Variants in SMC1B observed in about 807,000 individuals in gnomAD.
The protein encoded by SMC1B is structural maintenance of chromosomes protein 1B.
A neutral mutation model predicts 157.9 loss-of-function variants in SMC1B; 60 were observed. That is an observed-to-expected ratio of 0.38 (90% CI 0.31 to 0.47). The LOEUF is 0.47. SMC1B is among the 20% of genes least tolerant of loss of function. The pLI is 0.99. For missense variants in SMC1B, 1,165 were observed against 1,426.2 expected, an observed-to-expected ratio of 0.82 and a Z score of 2.95; for synonymous variants, 445 against 483.0, an observed-to-expected ratio of 0.92 and a Z score of 1.03.
intron 4 of SMC1B, among the ~76,000 whole-genome samples, chr22:45,404,688 AC>A (rs1569199702): frequency 6.6e-6 from 1 of 151,748 alleles, no homozygotes; most frequent in Non-Finnish European, 1.5e-5. Context: ...TCCACCTATA[AC>A]CTGGAAGCCC....
chr22:45,346,744 T>C (rs144208652), intron 23 of SMC1B, among the ~76,000 whole-genome samples: 5 of 152,066 alleles, frequency 3.3e-5, no homozygotes, highest in East Asian at 3.9e-4. Context: ...GAAGGGGAGA[T>C]AGGATGCGAA....
rs374106605 is a variant in SMC1B, at chr22:45,396,437, G to A, written c.1163C>T (p.Thr388Ile). The A allele has an allele frequency of 6.2e-6, 10 of 1,612,886 alleles. No individual in the cohort carries two copies. The highest frequency in any genetic ancestry group is 8.5e-6 in the Non-Finnish European group (10 of 1,179,508). Residue 388 changes from threonine (T) to isoleucine (I), a missense_variant, in exon 7 of 25, where the codon ACA (threonine) becomes ATA (isoleucine). By Grantham distance (89) the Thr-to-Ile change is moderately conservative. Transcript: ENST00000357450. ...LKEQVRKKVA[T>I]MTQQLEKLQW... ...CAGTTTTTCCAGTTGTTGAGTCATTGTAGCTACTTTCTTTCTTACTTGTTC... is the reference window on the plus strand; with the variant it reads ...CAGTTTTTCCAGTTGTTGAGTCATTATAGCTACTTTCTTTCTTACTTGTTC...
intron 1 of SMC1B, 88 bp downstream of exon 1, chr22:45,413,371 G>T (rs1441639032): frequency 9.5e-7 from 1 of 1,054,950 alleles, no homozygotes; most frequent in East Asian, 2.7e-5. Flanking sequence ...GGCGCCCGCG[G>T]CAGACGCCCA....
intron 22 of SMC1B, among the ~76,000 whole-genome samples, chr22:45,350,417 AC>A (rs1477559804): frequency 6.6e-6 from 1 of 152,302 alleles, no homozygotes; most frequent in Non-Finnish European, 1.5e-5. Flanking sequence ...AGCTGGGATT[AC>A]AGGCGTGCGC....
chr22:45,364,537 A>G (rs1220581515), intron 15 of SMC1B, among the ~76,000 whole-genome samples: 1 of 152,206 alleles, frequency 6.6e-6, no homozygotes, highest in Non-Finnish European at 1.5e-5. Context: ...GAGCTAAGCA[A>G]CTTGCCCAAG....
At position 45,389,447 on chromosome 22, in the gene SMC1B, G is replaced by A. The variant is rs141699686; in HGVS notation, c.1731+265C>T. The stretch of plus-strand genomic sequence containing the variant: ...ATATTGCTGGCTAATAGGTAGAGTG[G>A]TGCACTGCTAGTGCAATGAAATCAA... On this transcript the variant is annotated intron_variant, in intron 10 of 24. Transcript: ENST00000357450. Among the ~76,000 whole-genome samples, 3 of 152,290 alleles carry A rather than the reference G, an allele frequency of 2.0e-5. No homozygotes were observed. The East Asian group carries it at 5.8e-4, about 29-fold the overall frequency.
At chr22:45,393,863 T>G (rs136604) in intron 8 of SMC1B, 22 bp from the exon 9 acceptor site, 204,195 of 1,568,164 alleles carry the variant, frequency 0.13, 14,236 homozygotes, top group South Asian at 0.22. Flanking sequence ...CAACAAATTA[T>G]ACAGCAAAAT....
intron 15 of SMC1B, 126 bp from the exon 16 acceptor site, chr22:45,363,152 T>C (rs2086738003): frequency 1.6e-6 from 1 of 619,654 alleles, no homozygotes; most frequent in African/African-American, 1.9e-5. Flanking sequence ...CAAGTAGCTG[T>C]CACCCAACTT....
chr22:45,387,470 A>C (rs2087002152), intron 10 of SMC1B, among the ~76,000 whole-genome samples: 1 of 106,452 alleles, frequency 9.4e-6, no homozygotes, highest in African/African-American at 8.1e-5. Context: ...CAAAACAAAA[A>C]AAAGTATGTT....
At chr22:45,391,168 G>A (rs955417227) in intron 9 of SMC1B, among the ~76,000 whole-genome samples, 14 of 151,598 alleles carry the variant, frequency 9.2e-5, no homozygotes, top group African/African-American at 3.2e-4. Context: ...AACTATAGGC[G>A]CACACCATCA....
Position 45,396,340 on chromosome 22 carries a change from AG to A in SMC1B, c.1254+5del. The A allele has an allele frequency of 6.2e-7, 1 of 1,608,392 alleles. No individual in the cohort carries two copies. Reference sequence around the variant, plus strand: ...TTCTAAATCATTACTGTACAACCCAAGACACCTGAACTTCTCCATGCCTCCT... The same window carrying A: ...TTCTAAATCATTACTGTACAACCCAAACACCTGAACTTCTCCATGCCTCCT... On this transcript the variant is annotated splice_donor_5th_base_variant and intron_variant, in intron 7 of 24. Transcript: ENST00000357450.
In SMC1B at chr22:45,355,225, CCTT is replaced by C. The variant is rs777853383; in HGVS notation, c.2962-113_2962-111del. 1.5e-5 allele frequency: 15 copies of C among 1,022,712 alleles called. No homozygotes were observed. In the East Asian group the frequency reaches 2.2e-4, roughly 15 times the overall value. 63.4% of individuals were successfully genotyped at this position (1,022,712 alleles called of 1,614,324 possible). ...CATCCCAGGTCCCTGTGCATCCACT[CCTT>C]CTCTCCCCAAAGCCCTCTCTGAGCC... On this transcript the variant is annotated intron_variant, in intron 19 of 24. Transcript: ENST00000357450.
At chr22:45,400,859 T>C (rs777575817) in intron 5 of SMC1B, among the ~76,000 whole-genome samples, 38 of 152,238 alleles carry the variant, frequency 2.5e-4, no homozygotes, top group Non-Finnish European at 4.7e-4. Context: ...ATTTTACTTC[T>C]GTGGGCTTCC....
rs531637109 is a variant in SMC1B, at chr22:45,350,599, A to C, written c.3426-802T>G. Among the ~76,000 whole-genome samples, 233 of 151,104 alleles carry C rather than the reference A, an allele frequency of 1.5e-3. 1 individual carries two copies. The highest frequency in any genetic ancestry group is 2.6e-3 in the Non-Finnish European group (176 of 67,640). ...CCCTGTCTCCTGAGTTCTAACCTCAAATGTCCAACTACTTTCTCTACAATT... is the reference window on the plus strand; with the variant it reads ...CCCTGTCTCCTGAGTTCTAACCTCACATGTCCAACTACTTTCTCTACAATT... On this transcript the variant is annotated intron_variant, in intron 22 of 24. Coordinates refer to ENST00000357450, the MANE Select transcript of SMC1B (RefSeq NM_148674.5).
chr22:45,345,600 G>T lies in SMC1B; in HGVS notation c.3496-31C>A, dbSNP rs760243039. 3 of 1,344,622 alleles carry T rather than the reference G, an allele frequency of 2.2e-6. No homozygotes were observed. The South Asian group carries it at 3.5e-5, about 16-fold the overall frequency. 83.3% of individuals were successfully genotyped at this position (1,344,622 alleles called of 1,614,324 possible). On this transcript the variant is annotated intron_variant, in intron 23 of 24. Transcript: ENST00000357450. Reference sequence around the variant, plus strand: ...AGAAATAAAAACACACATTTCACTAGGAAGGAAAGGCCTTGTCTGGGCTCT... The same window carrying T: ...AGAAATAAAAACACACATTTCACTATGAAGGAAAGGCCTTGTCTGGGCTCT...
chr22:45,359,213 T>C (rs997262709), intron 18 of SMC1B, among the ~76,000 whole-genome samples: 4 of 152,226 alleles, frequency 2.6e-5, no homozygotes, highest in East Asian at 3.8e-4. Flanking sequence ...GATTTTGATA[T>C]ACATGGGGGA....
intron 17 of SMC1B, 97 bp downstream of exon 17, chr22:45,361,742 A>G (rs1410392668): frequency 8.6e-7 from 1 of 1,166,326 alleles, no homozygotes; most frequent in Non-Finnish European, 1.2e-6. Context: ...AACAAAGGGC[A>G]CATATTCAAA....
rs1052886802 is a variant in SMC1B at position 45,408,968 on chromosome 22, T to C, written c.110-70A>G. The C allele has an allele frequency of 5.2e-5, 48 of 929,422 alleles. No individual in the cohort carries two copies. In the African/African-American group the frequency reaches 6.5e-4, roughly 13 times the overall value. The allele number at this position is 929,422 out of a possible 1,614,324, so 57.6% of individuals were successfully genotyped here. A position where few individuals can be genotyped will look rare whatever the true frequency, so the allele number is the denominator to read the frequency against. On this transcript the variant is annotated intron_variant, in intron 1 of 24. Coordinates refer to ENST00000357450, the MANE Select transcript of SMC1B (RefSeq NM_148674.5). ...AAAGCCCTACCCAGAGCTGAAGAAA[T>C]CAGGCCACCAATCGAAGTGAAATAT...
chr22:45,382,811 GA>G (rs2086949846), intron 12 of SMC1B, among the ~76,000 whole-genome samples: 1 of 152,114 alleles, frequency 6.6e-6, no homozygotes, highest in Admixed American at 6.6e-5. Context: ...AATTCATGAG[GA>G]AATGCCCAAC....
Sources: gnomAD v4.1 joint callset for allele counts (sites outside exome capture counted in the v4.1 genomes callset) on GRCh38, gnomAD v4.1.1 for gene constraint, MANE v1.5 for transcripts, NCBI Gene and HGNC (gene_info 2026-07-23, HGNC 2026-07-21) for gene names.